Variants in PSMC2 observed in about 807,000 individuals in gnomAD.
PSMC2 encodes proteasome 26S subunit, ATPase 2, also known as 26S proteasome regulatory subunit 7.
A neutral mutation model predicts 53.3 loss-of-function variants in PSMC2; 7 were observed. That is an observed-to-expected ratio of 0.13 (90% CI 0.07 to 0.25). The LOEUF is 0.25. Among genes scored for constraint, PSMC2 ranks in the 10% least tolerant of loss-of-function variants. PSMC2 has a pLI of 1.00. For missense variants in PSMC2, 241 were observed against 544.0 expected (o/e 0.44, Z 5.54); for synonymous variants, 169 against 183.9 (o/e 0.92, Z 0.66).
chr7:103,369,159 T>C lies in PSMC2; in HGVS notation c.*1105T>C, dbSNP rs1563500187. On this transcript the variant is annotated 3_prime_UTR_variant, in exon 12 of 12. Transcript: ENST00000292644. ...CTGAAATACTTAAAATTATGAAAGT[T>C]TTCAAGTAAAGAAATTAAAGCCTTT... The C allele has an allele frequency of 6.6e-6, 1 of 152,228 alleles. No individual in the cohort carries two copies. The highest frequency in any genetic ancestry group is 2.4e-5 in the African/African-American group (1 of 41,472). The allele number at this position is 152,228 out of a possible 1,614,324, so 9.4% of individuals were successfully genotyped here.
chr7:103,364,027 T>C (rs922044412), intron 7 of PSMC2, 116 bp from the exon 8 acceptor site: 88 of 965,588 alleles, frequency 9.1e-5, no homozygotes, highest in Non-Finnish European at 1.3e-4. Context: ...GATTTAAATA[T>C]TAAAGTATGG....
intron 4 of PSMC2, among the ~76,000 whole-genome samples, chr7:103,359,743 T>G (rs1313094301): frequency 6.6e-6 from 1 of 152,206 alleles, no homozygotes; most frequent in South Asian, 2.1e-4. Context: ...TCTTTAGATA[T>G]GGTTTCCTTT....
chr7:103,349,258 T>C (rs772129411), intron 1 of PSMC2, among the ~76,000 whole-genome samples: 3 of 152,320 alleles, frequency 2.0e-5, no homozygotes, highest in Middle Eastern at 3.4e-3. Flanking sequence ...AAAAATATTT[T>C]AGGACACTGA....
In PSMC2 at chr7:103,368,175, T is replaced by A; in HGVS notation, c.*121T>A. 1.2e-6 allele frequency: 1 copy of A among 834,998 alleles called. No individual in the cohort carries two copies. Among genetic ancestry groups the A allele is most frequent in the Non-Finnish European group, 1.8e-6 (1 of 559,290 alleles). 51.7% of individuals were successfully genotyped at this position (834,998 alleles called of 1,614,324 possible). A position where few individuals can be genotyped will look rare whatever the true frequency, so the allele number is the denominator to read the frequency against. On this transcript the variant is annotated 3_prime_UTR_variant, in exon 12 of 12. Transcript: ENST00000292644. ...ATTGTATGCTTTTTTCCATATCTCT[T>A]CTTGTAATATAATAAAAGGTGATTT... is the stretch of plus-strand genomic sequence containing the variant.
intron 4 of PSMC2, among the ~76,000 whole-genome samples, chr7:103,356,684 T>C (rs1341217175): frequency 6.6e-6 from 1 of 152,382 alleles, no homozygotes; most frequent in East Asian, 1.9e-4. Context: ...ATTGTACATA[T>C]TGTCTTTTCT....
chr7:103,365,588 C>T (rs1278466420), intron 8 of PSMC2, among the ~76,000 whole-genome samples: 1 of 152,154 alleles, frequency 6.6e-6, no homozygotes, highest in African/African-American at 2.4e-5. Flanking sequence ...AAGATCGTGC[C>T]ATTGCACACC....
At chr7:103,366,291 G>C in intron 9 of PSMC2, 128 bp downstream of exon 9, 1 of 769,364 alleles carries the variant, frequency 1.3e-6, no homozygotes. Context: ...TGAAACAGTG[G>C]CGCCACAGAT....
In PSMC2 at chr7:103,361,526, A is replaced by G. The variant is rs867840449; in HGVS notation, c.291-431A>G. ...ACTCCATCTCAAAAAAAAAAAAAAA[A>G]AAAAAAAGAAAAACGGATTTAAAGT... On this transcript the variant is annotated intron_variant, in intron 4 of 11. Coordinates refer to ENST00000292644, the MANE Select transcript of PSMC2 (RefSeq NM_002803.4). Among the ~76,000 whole-genome samples, 139 of 151,222 alleles carry G rather than the reference A, an allele frequency of 9.2e-4. 2 individuals carry two copies. The highest frequency in any genetic ancestry group is 2.8e-3 in the African/African-American group (117 of 41,310).
chr7:103,360,147 C>A (rs1038296937), intron 4 of PSMC2, among the ~76,000 whole-genome samples: 1 of 151,676 alleles, frequency 6.6e-6, no homozygotes, highest in South Asian at 2.1e-4. Context: ...TTTCTATTGA[C>A]TGATTTTTTT....
intron 7 of PSMC2, 23 bp from the exon 8 acceptor site, chr7:103,364,120 T>C (rs1205288560): frequency 6.2e-7 from 1 of 1,608,208 alleles, no homozygotes; most frequent in East Asian, 2.2e-5. Context: ...GTGGTAAGTG[T>C]GAAAATTGTG....
chr7:103,367,316 G>A lies in PSMC2; in HGVS notation c.845-97G>A. ...AAGTGGGATGTCACTTGTGCCTGAG[G>A]ACATGATTTGAGCTGAGATTTTTGG... On this transcript the variant is annotated intron_variant, in intron 9 of 11. Coordinates refer to ENST00000292644, the MANE Select transcript of PSMC2 (RefSeq NM_002803.4). This position sits in a 1 kb window ranked among gnomAD's most constrained non-coding sequence, Gnocchi z 6.1. 1 of 1,114,816 alleles carries A rather than the reference G, an allele frequency of 9.0e-7. No homozygotes were observed. Among genetic ancestry groups the A allele is most frequent in the Non-Finnish European group, 1.3e-6 (1 of 747,966 alleles). The allele number at this position is 1,114,816 out of a possible 1,614,324, so 69.1% of individuals were successfully genotyped here.
At chr7:103,362,806 T>G (rs1820488525) in intron 6 of PSMC2, 48 bp downstream of exon 6, 1 of 1,440,072 alleles carries the variant, frequency 6.9e-7, no homozygotes, top group Admixed American at 1.9e-5. Context: ...TTTTTTTTTT[T>G]TTTTTTTGAG....
intron 4 of PSMC2, among the ~76,000 whole-genome samples, chr7:103,356,232 G>A (rs904448030): frequency 6.7e-6 from 1 of 149,526 alleles, no homozygotes; most frequent in African/African-American, 2.5e-5. Context: ...CTTTTTTCTT[G>A]TGTTTTTAAA....
chr7:103,360,672 G>C (rs1197679899), intron 4 of PSMC2, among the ~76,000 whole-genome samples: 2 of 152,142 alleles, frequency 1.3e-5, no homozygotes, highest in South Asian at 2.1e-4. Flanking sequence ...TTTCTAATGT[G>C]AGTTCTGTTT....
At position 103,367,350 on chromosome 7, in the gene PSMC2, G is replaced by A. The variant is rs1820769490; in HGVS notation, c.845-63G>A. ...TGAGCTGAGATTTTTGGTACTTTCAGGTCATGCATAGTGCTACTCTTGAGT... is the reference window on the plus strand; with the variant it reads ...TGAGCTGAGATTTTTGGTACTTTCAAGTCATGCATAGTGCTACTCTTGAGT... On this transcript the variant is annotated intron_variant, in intron 9 of 11. Transcript: ENST00000292644. The surrounding 1 kb of genome is among the most constrained non-coding windows in gnomAD (Gnocchi z 6.1). 1.0e-5 allele frequency: 16 copies of A among 1,525,332 alleles called. No individual in the cohort carries two copies. In the South Asian group the frequency reaches 1.7e-4, roughly 16 times the overall value. The allele number at this position is 1,525,332 out of a possible 1,614,324, so 94.5% of individuals were successfully genotyped here.
intron 1 of PSMC2, among the ~76,000 whole-genome samples, chr7:103,351,563 T>C (rs1406143353): frequency 6.6e-6 from 1 of 152,226 alleles, no homozygotes; most frequent in Non-Finnish European, 1.5e-5. Flanking sequence ...ATAAACCCTG[T>C]AGTTTGTATA....
chr7:103,354,729 G>A, intron 2 of PSMC2, 139 bp from the exon 3 acceptor site: 1 of 604,020 alleles, frequency 1.7e-6, no homozygotes, highest in Non-Finnish European at 2.9e-6. Context: ...GAAATATTGG[G>A]TCAGGAATAC....
upstream of PSMC2, chr7:103,347,532 T>G: frequency 1.6e-6 from 1 of 617,566 alleles, no homozygotes; most frequent in Non-Finnish European, 2.9e-6. Context: ...AGGTAATCAG[T>G]CCAAAAACCA....
intron 9 of PSMC2, among the ~76,000 whole-genome samples, chr7:103,366,901 T>A (rs906244390): frequency 2.0e-5 from 3 of 152,096 alleles, no homozygotes; most frequent in Non-Finnish European, 4.4e-5. Flanking sequence ...GCCTCCTGGG[T>A]TCAAGCAATT....
Sources: gnomAD v4.1 joint callset for allele counts (sites outside exome capture counted in the v4.1 genomes callset) on GRCh38, gnomAD v4.1.1 for gene constraint, Gnocchi (gnomAD v3.1) non-coding constraint, MANE v1.5 for transcripts, NCBI Gene and HGNC (gene_info 2026-07-23, HGNC 2026-07-21) for gene names.